The following DNAH9 variants were observed in gnomAD, a reference collection of about 807,000 sequenced individuals.
DNAH9 encodes DNAH9 variant protein.
A neutral mutation model predicts 471.6 loss-of-function variants in DNAH9; 345 were observed. The observed-to-expected ratio is 0.73, with a 90% confidence interval of 0.67 to 0.80. The LOEUF is 0.80. Among genes scored for constraint, DNAH9 ranks in the 30% least tolerant of loss-of-function variants. DNAH9 has a pLI of 0.00. For missense variants in DNAH9, 5,407 were observed against 5,609.2 expected (o/e 0.96, Z 1.15); for synonymous variants, 2,093 against 2,123.6 (o/e 0.99, Z 0.40).
At chr17:11,708,000 CACACACACACACACAGAGAGAGAGAG>C (rs1234132982) in intron 26 of DNAH9, among the ~76,000 whole-genome samples, 97 of 51,298 alleles carry the variant, frequency 1.9e-3, no homozygotes, top group African/African-American at 4.0e-3. Flanking sequence ...CACACACACA[CACACACACACACACAGAGAGAGAGAG>C]AGAGAGAGAG....
rs201042576 is a variant in DNAH9, at chr17:11,671,560, G to A, written c.3353+1766G>A. Among the ~76,000 whole-genome samples, 11 of 152,308 alleles carry A rather than the reference G, an allele frequency of 7.2e-5. No homozygotes were observed. The East Asian group carries it at 1.2e-3, about 16-fold the overall frequency. On this transcript the variant is annotated intron_variant, in intron 17 of 68. Coordinates refer to ENST00000262442, the MANE Select transcript of DNAH9 (RefSeq NM_001372.4). ...TCCAAATTGTCTGGGACCTGGCCTT[G>A]GGCTGATTAGGGCAGGGGGATAATG... is the stretch of plus-strand genomic sequence containing the variant.
Position 11,929,846 on chromosome 17 carries a change from G to T in DNAH9, c.11878-20G>T, listed in dbSNP as rs767457926. 12 of 1,601,650 alleles carry T rather than the reference G, an allele frequency of 7.5e-6. No homozygotes were observed. Among genetic ancestry groups the T allele is most frequent in the South Asian group, 1.1e-5 (1 of 89,344 alleles). On this transcript the variant is annotated intron_variant, in intron 62 of 68. Coordinates refer to ENST00000262442, the MANE Select transcript of DNAH9 (RefSeq NM_001372.4). ...TAAGCAGATGCCTGTATTGAGGGGG[G>T]GCTCCTTCCTTCCCACTAGAACATT... is the stretch of plus-strand genomic sequence containing the variant.
At position 11,935,523 on chromosome 17, in the gene DNAH9, G is replaced by C. The variant is rs543936813; in HGVS notation, c.12489+1452G>C. Among the ~76,000 whole-genome samples, 4 of 151,908 alleles carry C rather than the reference G, an allele frequency of 2.6e-5. No individual in the cohort carries two copies. In the South Asian group the frequency reaches 6.2e-4, roughly 24 times the overall value. On this transcript the variant is annotated intron_variant, in intron 65 of 68. Coordinates refer to ENST00000262442, the MANE Select transcript of DNAH9 (RefSeq NM_001372.4). ...CCTGAGTAGCTGGGATTACAGGCGT[G>C]CGTCACCACGCCCAGCTAATTTTTG...
chr17:11,705,636 A>T (rs905217178), intron 26 of DNAH9: 2 of 159,028 alleles, frequency 1.3e-5, no homozygotes, highest in Non-Finnish European at 1.4e-5. Context: ...ATACAATTAG[A>T]TAAAAGTATA....
intron 49 of DNAH9, among the ~76,000 whole-genome samples, chr17:11,844,073 A>G (rs918662999): frequency 2.3e-4 from 35 of 151,352 alleles, no homozygotes; most frequent in African/African-American, 8.2e-4. Flanking sequence ...TATCTTGTAG[A>G]ACAGTTAAGA....
In DNAH9 at chr17:11,712,560, T is replaced by C. The variant is rs979004249; in HGVS notation, c.5553-6774T>C. 3.3e-5 allele frequency among the ~76,000 whole-genome samples: 5 copies of C among 152,260 alleles called. No individual in the cohort carries two copies. In the South Asian group the frequency reaches 1.0e-3, roughly 32 times the overall value. On this transcript the variant is annotated intron_variant, in intron 26 of 68. Coordinates refer to ENST00000262442, the MANE Select transcript of DNAH9 (RefSeq NM_001372.4). ...CCAACAACATGTGAGGATTCCCATTTCTCCACATCCTTGACAATATTTACT... is the reference window on the plus strand; with the variant it reads ...CCAACAACATGTGAGGATTCCCATTCCTCCACATCCTTGACAATATTTACT...
intron 28 of DNAH9, among the ~76,000 whole-genome samples, chr17:11,732,694 C>CT (rs1567757919): frequency 1.3e-5 from 2 of 152,046 alleles, no homozygotes; most frequent in Non-Finnish European, 2.9e-5. Flanking sequence ...ATATTACTTA[C>CT]TTTTTTCTGG....
At chr17:11,920,035 C>CTTTCTTT (rs1555621039) in intron 61 of DNAH9, among the ~76,000 whole-genome samples, 24,903 of 135,674 alleles carry the variant, frequency 0.18, 2,381 homozygotes, top group East Asian at 0.28. Context: ...TAAGTTCTTT[C>CTTTCTTT]TTTTTTTTTT....
At chr17:11,620,055 A>G in intron 6 of DNAH9, 1 of 436,994 alleles carries the variant, frequency 2.3e-6, no homozygotes, top group East Asian at 4.3e-5. Flanking sequence ...TACAAAAAAT[A>G]CAACAACAAC....
chr17:11,814,847 A>G (rs954637271), intron 45 of DNAH9, among the ~76,000 whole-genome samples: 3 of 152,202 alleles, frequency 2.0e-5, no homozygotes, highest in African/African-American at 7.2e-5. Flanking sequence ...GGAAGTGTTT[A>G]TAACAGACTT....
rs541260885 is a variant in DNAH9 at position 11,810,716 on chromosome 17, G to T, written c.8707+347G>T. On this transcript the variant is annotated intron_variant, in intron 45 of 68. Transcript: ENST00000262442. ...ATCCAAATCAAAGAGAAACTAGAAT[G>T]TGTGTAGTACTTGAGGAAGCTCAGG... 5.9e-5 allele frequency among the ~76,000 whole-genome samples: 9 copies of T among 152,350 alleles called. No homozygotes were observed. The South Asian group carries it at 1.9e-3, about 32-fold the overall frequency.
At chr17:11,613,340 G>C (rs904060796) in intron 4 of DNAH9, among the ~76,000 whole-genome samples, 4 of 152,134 alleles carry the variant, frequency 2.6e-5, no homozygotes, top group Non-Finnish European at 5.9e-5. Context: ...ATGTTAAAGG[G>C]GCTTGGCACA....
chr17:11,764,320 A>G (rs200015571), intron 36 of DNAH9, among the ~76,000 whole-genome samples: 3 of 152,172 alleles, frequency 2.0e-5, no homozygotes, highest in Admixed American at 2.0e-4. Flanking sequence ...AAAATATTCA[A>G]TATTATGCAA....
At chr17:11,703,034 A>G (rs1377234015) in intron 24 of DNAH9, among the ~76,000 whole-genome samples, 1 of 151,314 alleles carries the variant, frequency 6.6e-6, no homozygotes, top group African/African-American at 2.4e-5. Flanking sequence ...CGGAGCTTGC[A>G]GTAAGCTGAG....
chr17:11,847,556 G>C (rs1971269578), intron 49 of DNAH9, among the ~76,000 whole-genome samples: 1 of 152,028 alleles, frequency 6.6e-6, no homozygotes, highest in Non-Finnish European at 1.5e-5. Flanking sequence ...TCTCTATTCT[G>C]TTCCATTGGT....
chr17:11,855,695 A>G (rs558138365), intron 50 of DNAH9, among the ~76,000 whole-genome samples: 3 of 152,320 alleles, frequency 2.0e-5, no homozygotes, highest in Admixed American at 2.0e-4. Flanking sequence ...AACAGCTTAG[A>G]TCTTGAATTA....
chr17:11,955,271 A>T lies in DNAH9; in HGVS notation c.12844-6596A>T, dbSNP rs117117020. Among the ~76,000 whole-genome samples the T allele has an allele frequency of 6.7e-3, 1,016 of 152,232 alleles. 9 individuals carry two copies. The highest frequency in any genetic ancestry group is 0.042 in the East Asian group (219 of 5,180). On this transcript the variant is annotated intron_variant, in intron 67 of 68. Coordinates refer to ENST00000262442, the MANE Select transcript of DNAH9 (RefSeq NM_001372.4). ...TTGTGCTACAATAGCAGAATTGAGT[A>T]GTGTCAGCAGAGATCATATGGCCCA...
Position 11,613,548 on chromosome 17 carries a change from T to C in DNAH9, c.904+1768T>C, listed in dbSNP as rs550624970. 6.6e-5 allele frequency among the ~76,000 whole-genome samples: 10 copies of C among 152,294 alleles called. 1 individual carries two copies. The South Asian group carries it at 1.9e-3, about 28-fold the overall frequency. On this transcript the variant is annotated intron_variant, in intron 4 of 68. Coordinates refer to ENST00000262442, the MANE Select transcript of DNAH9 (RefSeq NM_001372.4). ...TGAACCTGGGAGGCAGAGGTTGCAG[T>C]GAGTCGAGATCGCGTCACCGCACTC...
intron 50 of DNAH9, among the ~76,000 whole-genome samples, chr17:11,860,746 A>G (rs1971814610): frequency 6.6e-6 from 1 of 152,024 alleles, no homozygotes; most frequent in Admixed American, 6.6e-5. Flanking sequence ...TTTTCAGTAG[A>G]GATGAGGTTT....
Sources: gnomAD v4.1 joint callset for allele counts (sites outside exome capture counted in the v4.1 genomes callset) on GRCh38, gnomAD v4.1.1 for gene constraint, MANE v1.5 for transcripts, NCBI Gene and HGNC (gene_info 2026-07-23, HGNC 2026-07-21) for gene names.